XKR4: variants seen among roughly 807,000 people sequenced by gnomAD.
XKR4 encodes the protein XK related 4.
XKR4 carries 12 observed loss-of-function variants against 53.9 expected under a neutral mutation model. That is an observed-to-expected ratio of 0.22 (90% CI 0.14 to 0.36). XKR4 has a LOEUF of 0.36. Among genes scored for constraint, XKR4 ranks in the 10% least tolerant of loss-of-function variants. The probability of loss-of-function intolerance (pLI) is 1.00; values close to 1 mark genes in which losing one functional copy is unlikely to be tolerated. For synonymous variants in XKR4, 354 were observed against 362.4 expected, an observed-to-expected ratio of 0.98 and a Z score of 0.26; for missense variants, 799 against 859.5, an observed-to-expected ratio of 0.93 and a Z score of 0.88.
Position 55,495,840 on chromosome 8 carries a change from G to A in XKR4, c.1007-27441G>A, listed in dbSNP as rs184492075. On this transcript the variant is annotated intron_variant, in intron 2 of 2. Transcript: ENST00000327381. ...CTGCTGCCACTGCTACTGCCTCTTCGCTGCAGCTGGTGGCCACTCCAGATG... is the reference window on the plus strand; with the variant it reads ...CTGCTGCCACTGCTACTGCCTCTTCACTGCAGCTGGTGGCCACTCCAGATG... 5.2e-3 allele frequency among the ~76,000 whole-genome samples: 786 copies of A among 152,332 alleles called. 6 individuals carry two copies. The highest frequency in any genetic ancestry group is 0.018 in the African/African-American group (741 of 41,574).
chr8:55,350,120 T>C (rs1200068281), intron 1 of XKR4, among the ~76,000 whole-genome samples: 3 of 152,264 alleles, frequency 2.0e-5, no homozygotes, highest in African/African-American at 7.2e-5. Flanking sequence ...GGATGTGTTA[T>C]AATTTGTTTA....
At chr8:55,401,547 C>T (rs971760775) in intron 2 of XKR4, among the ~76,000 whole-genome samples, 1 of 152,220 alleles carries the variant, frequency 6.6e-6, no homozygotes, top group Non-Finnish European at 1.5e-5. Flanking sequence ...TGCAATCCTA[C>T]CTGCAGAACC....
intron 2 of XKR4, among the ~76,000 whole-genome samples, chr8:55,495,692 C>T (rs888652539): frequency 4.6e-5 from 7 of 152,214 alleles, no homozygotes; most frequent in Non-Finnish European, 8.8e-5. Context: ...AGCAGAGGCT[C>T]TGGGCAAGGG....
At chr8:55,405,625 T>A (rs2939690) in intron 2 of XKR4, among the ~76,000 whole-genome samples, 1 of 152,218 alleles carries the variant, frequency 6.6e-6, no homozygotes, top group South Asian at 2.1e-4. Flanking sequence ...GCAGATTCCA[T>A]TGATGGTAGC....
At chr8:55,293,399 G>T (rs1199653039) in intron 1 of XKR4, among the ~76,000 whole-genome samples, 1 of 152,066 alleles carries the variant, frequency 6.6e-6, no homozygotes, top group African/African-American at 2.4e-5. Flanking sequence ...GAAGGAACAA[G>T]TGCGAAATTA....
At chr8:55,130,282 G>C (rs1292025033) in intron 1 of XKR4, among the ~76,000 whole-genome samples, 1 of 152,214 alleles carries the variant, frequency 6.6e-6, no homozygotes, top group Non-Finnish European at 1.5e-5. Context: ...CAGGGAGAAG[G>C]GTTCCATTTT....
rs973278833 is a variant in XKR4, at chr8:55,366,695, C to T, written c.1006+8818C>T. Among the ~76,000 whole-genome samples the T allele has an allele frequency of 4.6e-5, 7 of 152,136 alleles. 1 individual carries two copies. In the South Asian group the frequency reaches 1.2e-3, roughly 27 times the overall value. On this transcript the variant is annotated intron_variant, in intron 2 of 2. Transcript: ENST00000327381. ...AACAAGAGCTATTTTATTTTCTCAC[C>T]CATATGTCCTGCCTTTCCTCTGAGA...
intron 1 of XKR4, among the ~76,000 whole-genome samples, chr8:55,214,327 C>T (rs1027230237): frequency 6.6e-6 from 1 of 152,208 alleles, no homozygotes; most frequent in African/African-American, 2.4e-5. Flanking sequence ...TTTCTAAGCT[C>T]ATCCAAGTCA....
intron 1 of XKR4, among the ~76,000 whole-genome samples, chr8:55,236,386 C>T (rs967675288): frequency 6.6e-6 from 1 of 152,274 alleles, no homozygotes; most frequent in East Asian, 1.9e-4. Context: ...GCATTTCATG[C>T]CTCAGAGATA....
At chr8:55,480,887 T>G (rs936084690) in intron 2 of XKR4, among the ~76,000 whole-genome samples, 2 of 151,940 alleles carry the variant, frequency 1.3e-5, no homozygotes, top group African/African-American at 2.4e-5. Context: ...CACTGCTCTA[T>G]GAAATAAAAG....
At chr8:55,361,792 A>G (rs1380151515) in intron 2 of XKR4, among the ~76,000 whole-genome samples, 1 of 151,404 alleles carries the variant, frequency 6.6e-6, no homozygotes, top group Non-Finnish European at 1.5e-5. Flanking sequence ...AAATGTTCCC[A>G]TTTCTCTCCC....
intron 2 of XKR4, among the ~76,000 whole-genome samples, chr8:55,385,234 T>A (rs1804291546): frequency 6.6e-6 from 1 of 152,152 alleles, no homozygotes; most frequent in Admixed American, 6.5e-5. Context: ...CTTTCTTGTT[T>A]TCCCATCACA....
intron 2 of XKR4, among the ~76,000 whole-genome samples, chr8:55,466,298 T>C (rs1205510837): frequency 6.6e-6 from 1 of 152,124 alleles, no homozygotes; most frequent in Non-Finnish European, 1.5e-5. Flanking sequence ...TGGAATACTA[T>C]GCAGCCATAA....
chr8:55,409,222 C>T (rs924262494), intron 2 of XKR4, among the ~76,000 whole-genome samples: 1 of 152,168 alleles, frequency 6.6e-6, no homozygotes, highest in Admixed American at 6.5e-5. Flanking sequence ...ACAGGCCTGG[C>T]AGGCAGCAAG....
intron 2 of XKR4, among the ~76,000 whole-genome samples, chr8:55,388,590 A>G (rs1220234260): frequency 6.6e-6 from 1 of 152,140 alleles, no homozygotes. Context: ...AGGGGAAGCA[A>G]GCTCCCTCAT....
chr8:55,157,286 A>C (rs1370662767), intron 1 of XKR4, among the ~76,000 whole-genome samples: 2 of 152,216 alleles, frequency 1.3e-5, no homozygotes, highest in Non-Finnish European at 2.9e-5. Context: ...TTATTGTAAA[A>C]TTGGAATAAT....
intron 2 of XKR4, among the ~76,000 whole-genome samples, chr8:55,513,903 C>T (rs1414673582): frequency 6.6e-6 from 1 of 152,112 alleles, no homozygotes; most frequent in East Asian, 1.9e-4. Flanking sequence ...GAAATGTGTC[C>T]ACCAGTGAAA....
intron 2 of XKR4, chr8:55,450,705 G>A: frequency 1.7e-6 from 1 of 584,928 alleles, no homozygotes; most frequent in Non-Finnish European, 3.3e-6. Context: ...CCCCGTGGCT[G>A]AAGCGATGAC....
At chr8:55,381,238 C>T (rs1399419547) in intron 2 of XKR4, among the ~76,000 whole-genome samples, 1 of 152,162 alleles carries the variant, frequency 6.6e-6, no homozygotes. Context: ...ATTCTATTGT[C>T]GATTCCAAAT....
Sources: allele counts gnomAD v4.1 joint callset (sites outside exome capture counted in the v4.1 genomes callset), GRCh38; gene constraint gnomAD v4.1.1; transcripts MANE v1.5; gene names NCBI Gene and HGNC (gene_info 2026-07-23, HGNC 2026-07-21).